NCKAP5: variants seen among roughly 807,000 people sequenced by gnomAD.
The protein encoded by NCKAP5 is nck-associated protein 5.
Under a neutral mutation model 167.0 loss-of-function variants are expected in NCKAP5, and 92 were observed. The observed-to-expected ratio is 0.55, with a 90% confidence interval of 0.47 to 0.66. The LOEUF is 0.66. Ranked by LOEUF, NCKAP5 falls within the 30% of genes least tolerant of loss-of-function variation. The probability of loss-of-function intolerance (pLI) is 0.00; values close to 1 mark genes in which losing one functional copy is unlikely to be tolerated. For missense variants in NCKAP5, 2,378 were observed against 2,315.0 expected, an observed-to-expected ratio of 1.03 and a Z score of -0.56; for synonymous variants, 891 against 877.4, an observed-to-expected ratio of 1.02 and a Z score of -0.27.
At chr2:132,959,054 T>A (rs554446172) in intron 8 of NCKAP5, among the ~76,000 whole-genome samples, 94 of 147,136 alleles carry the variant, frequency 6.4e-4, no homozygotes, top group Middle Eastern at 3.6e-3. Flanking sequence ...TTATATTATT[T>A]ATATATAAAT....
intron 3 of NCKAP5, among the ~76,000 whole-genome samples, chr2:133,474,734 T>C (rs1352145759): frequency 6.6e-6 from 1 of 151,996 alleles, no homozygotes; most frequent in African/African-American, 2.4e-5. Flanking sequence ...ATCTCTCTCC[T>C]ACTAATTATC....
chr2:133,413,483 G>A (rs1469064862), intron 3 of NCKAP5, among the ~76,000 whole-genome samples: 2 of 152,064 alleles, frequency 1.3e-5, no homozygotes, highest in Non-Finnish European at 2.9e-5. Context: ...TGTCCTAGTG[G>A]TGATATACTA....
intron 4 of NCKAP5, among the ~76,000 whole-genome samples, chr2:133,220,187 G>A (rs1291948930): frequency 6.6e-6 from 1 of 152,200 alleles, no homozygotes; most frequent in Non-Finnish European, 1.5e-5. Context: ...CTTCTGCAAT[G>A]CATCACTGTT....
intron 2 of NCKAP5, 142 bp from the exon 3 acceptor site, chr2:133,517,729 CA>C (rs1426229538): frequency 1.6e-5 from 6 of 372,896 alleles, no homozygotes; most frequent in Non-Finnish European, 1.9e-5. Flanking sequence ...TCTCTCTACT[CA>C]AAAGACCACT....
intron 3 of NCKAP5, among the ~76,000 whole-genome samples, chr2:133,367,223 T>C (rs767136483): frequency 2.9e-4 from 44 of 152,148 alleles, no homozygotes; most frequent in Admixed American, 2.0e-4. Flanking sequence ...AGACCTGACC[T>C]CCTTGGTATC....
chr2:133,005,953 G>A (rs935493666), intron 6 of NCKAP5, among the ~76,000 whole-genome samples: 7 of 152,000 alleles, frequency 4.6e-5, no homozygotes, highest in Non-Finnish European at 7.4e-5. Context: ...ATATGGCCTG[G>A]ACAATCAAAA....
intron 8 of NCKAP5, among the ~76,000 whole-genome samples, chr2:132,933,093 A>T (rs959188529): frequency 2.6e-5 from 4 of 151,566 alleles, no homozygotes; most frequent in South Asian, 4.2e-4. Context: ...CGTGGCTAAT[A>T]TTTTTGTATT....
intron 8 of NCKAP5, among the ~76,000 whole-genome samples, chr2:132,952,450 AC>A (rs759705356): frequency 8.0e-5 from 12 of 149,094 alleles, no homozygotes; most frequent in African/African-American, 2.2e-4. Context: ...GCAGTCACAG[AC>A]CCCCCCCACT....
intron 11 of NCKAP5, among the ~76,000 whole-genome samples, chr2:132,817,503 G>A (rs1686368874): frequency 1.3e-5 from 2 of 152,002 alleles, no homozygotes; most frequent in African/African-American, 4.8e-5. Context: ...GAAATTCCCT[G>A]ATGTTTTTGT....
chr2:132,872,286 A>C (rs527666833), intron 9 of NCKAP5, among the ~76,000 whole-genome samples: 56 of 152,300 alleles, frequency 3.7e-4, no homozygotes, highest in Admixed American at 3.3e-3. Flanking sequence ...GCCTGAGTAC[A>C]TCTCGTGTTT....
At chr2:132,767,620 T>C (rs1456976153) in intron 16 of NCKAP5, among the ~76,000 whole-genome samples, 2 of 152,234 alleles carry the variant, frequency 1.3e-5, no homozygotes, top group Admixed American at 1.3e-4. Flanking sequence ...AAAAGGTACC[T>C]GTATAATCCG....
intron 19 of NCKAP5, among the ~76,000 whole-genome samples, chr2:132,712,273 C>T (rs1688921024): frequency 6.6e-6 from 1 of 152,156 alleles, no homozygotes; most frequent in Non-Finnish European, 1.5e-5. Flanking sequence ...CCCTTTATGC[C>T]CACCCAAACC....
intron 5 of NCKAP5, among the ~76,000 whole-genome samples, chr2:133,137,417 T>A (rs1388480371): frequency 7.9e-6 from 1 of 125,880 alleles, no homozygotes; most frequent in Non-Finnish European, 1.7e-5. Context: ...TGTGTGTGTG[T>A]GTGTGTGTGT....
chr2:132,748,788 A>AC (rs1679862210), intron 16 of NCKAP5, among the ~76,000 whole-genome samples: 6 of 150,714 alleles, frequency 4.0e-5, no homozygotes, highest in African/African-American at 1.5e-4. Context: ...AAGTCAGGAT[A>AC]CTTTTTTTTT....
At chr2:133,216,478 A>C (rs1001663869) in intron 4 of NCKAP5, among the ~76,000 whole-genome samples, 1 of 152,170 alleles carries the variant, frequency 6.6e-6, no homozygotes, top group Non-Finnish European at 1.5e-5. Context: ...TAAGAACAAG[A>C]AATTGGAACA....
At chr2:133,564,441 C>T (rs1688402332) in intron 1 of NCKAP5, among the ~76,000 whole-genome samples, 1 of 151,498 alleles carries the variant, frequency 6.6e-6, no homozygotes, top group African/African-American at 2.4e-5. Context: ...GCTGAGTTTA[C>T]AAACTACACT....
chr2:133,098,164 TAAA>T (rs2081400104), intron 6 of NCKAP5, among the ~76,000 whole-genome samples: 1 of 152,208 alleles, frequency 6.6e-6, no homozygotes, highest in African/African-American at 2.4e-5. Flanking sequence ...AATACCAGCA[TAAA>T]TACCTAAAGT....
chr2:133,547,731 T>G (rs1686869592), intron 2 of NCKAP5, among the ~76,000 whole-genome samples: 1 of 148,598 alleles, frequency 6.7e-6, no homozygotes, highest in African/African-American at 2.5e-5. Context: ...CATCTGTACA[T>G]CACCATCATC....
chr2:133,504,814 C>G (rs76828551), intron 3 of NCKAP5, among the ~76,000 whole-genome samples: 2,391 of 152,250 alleles, frequency 0.016, 69 homozygotes, highest in African/African-American at 0.054. Context: ...CTTTCCTTCT[C>G]TCTATGTAGT....
Sources: allele counts gnomAD v4.1 joint callset (sites outside exome capture counted in the v4.1 genomes callset), GRCh38; gene constraint gnomAD v4.1.1; transcripts MANE v1.5; gene names NCBI Gene and HGNC (gene_info 2026-07-23, HGNC 2026-07-21).